RASA1: variants seen among roughly 807,000 people sequenced by gnomAD.
RASA1 encodes RAS p21 protein activator 1.
In RASA1, 25 loss-of-function variants were observed where a neutral mutation model predicts 132.2. The observed-to-expected ratio is 0.19, with a 90% CI of 0.14 to 0.26. RASA1 has a LOEUF of 0.26. Ranked by LOEUF, RASA1 falls within the 10% of genes least tolerant of loss-of-function variation. The pLI is 1.00. For missense variants in RASA1, 964 were observed against 1,299.2 expected (o/e 0.74, Z 3.97); for synonymous variants, 477 against 449.9 (o/e 1.06, Z -0.76).
chr5:87,380,433 A>T, intron 19 of RASA1, 76 bp from the exon 20 acceptor site: 1 of 1,323,032 alleles, frequency 7.6e-7, no homozygotes, highest in Non-Finnish European at 1.1e-6. Context: ...TATTTGGGTA[A>T]ATTAAGCTTT....
chr5:87,282,061 A>G (rs1754343687), intron 1 of RASA1, among the ~76,000 whole-genome samples: 1 of 151,974 alleles, frequency 6.6e-6, no homozygotes, highest in African/African-American at 2.4e-5. Context: ...ATTCCAGCTT[A>G]CTTGTTTTTT....
intron 6 of RASA1, 97 bp from the exon 7 acceptor site, chr5:87,346,575 C>A: frequency 1.5e-6 from 1 of 677,046 alleles, no homozygotes; most frequent in Non-Finnish European, 2.5e-6. Flanking sequence ...TATTTTATCA[C>A]TTTGAATTAA....
intron 1 of RASA1, among the ~76,000 whole-genome samples, chr5:87,328,097 A>T (rs1757363812): frequency 6.6e-6 from 1 of 152,210 alleles, no homozygotes; most frequent in Non-Finnish European, 1.5e-5. Context: ...TTGTTTTATG[A>T]GTCAACACTT....
chr5:87,275,802 C>G (rs919341944), intron 1 of RASA1, among the ~76,000 whole-genome samples: 55 of 152,262 alleles, frequency 3.6e-4, no homozygotes, highest in African/African-American at 1.3e-3. Context: ...AACTCCTGAC[C>G]TCGTGATCTG....
chr5:87,380,926 T>C (rs978509199), intron 20 of RASA1, among the ~76,000 whole-genome samples: 2 of 152,178 alleles, frequency 1.3e-5, no homozygotes, highest in Admixed American at 1.3e-4. Context: ...TGATTGGCAG[T>C]GAGAGAGAAG....
intron 9 of RASA1, among the ~76,000 whole-genome samples, chr5:87,354,578 T>C (rs1317684863): frequency 6.6e-6 from 1 of 152,134 alleles, no homozygotes; most frequent in African/African-American, 2.4e-5. Context: ...GCTTCCTATT[T>C]CTGCAGACAC....
chr5:87,316,244 A>T (rs1021533318), intron 1 of RASA1, among the ~76,000 whole-genome samples: 1 of 152,184 alleles, frequency 6.6e-6, no homozygotes, highest in African/African-American at 2.4e-5. Flanking sequence ...TGTTCTTGCT[A>T]TGGTACCTGG....
At chr5:87,296,962 CT>C (rs933044772) in intron 1 of RASA1, among the ~76,000 whole-genome samples, 10 of 151,724 alleles carry the variant, frequency 6.6e-5, no homozygotes, top group African/African-American at 2.4e-4. Flanking sequence ...TTTTTCCTCT[CT>C]TTTTTTTCTT....
chr5:87,360,494 TTTG>T (rs922388018), intron 9 of RASA1, among the ~76,000 whole-genome samples: 3 of 152,196 alleles, frequency 2.0e-5, no homozygotes, highest in Non-Finnish European at 4.4e-5. Flanking sequence ...GTAAAATATT[TTTG>T]TTTAGATTTT....
At chr5:87,272,420 A>G (rs1753886799) in intron 1 of RASA1, among the ~76,000 whole-genome samples, 1 of 152,136 alleles carries the variant, frequency 6.6e-6, no homozygotes, top group Non-Finnish European at 1.5e-5. Flanking sequence ...CAGATTCTGA[A>G]GTTAGACAAG....
chr5:87,268,910 G>A lies in RASA1; in HGVS notation c.459G>A (p.Val153=). ...CTTTGGGGGCGGGCCTCGGGACAGT[G>A]GACGAAGGTGACTCTCTGGATGGAC... is the stretch of plus-strand genomic sequence containing the variant. The part of the protein sequence containing the change: ...LPPLGAGLGT[V]DEGDSLDGPE... The change falls in exon 1 of 25, where the codon GTG becomes GTA. Residue 153 remains valine (V), a synonymous_variant. Coordinates refer to ENST00000274376, the MANE Select transcript of RASA1 (RefSeq NM_002890.3). 4 of 1,614,204 alleles carry A rather than the reference G, an allele frequency of 2.5e-6. No homozygotes were observed. The highest frequency in any genetic ancestry group is 3.4e-6 in the Non-Finnish European group (4 of 1,180,042).
chr5:87,376,032 T>A (rs1444224482), intron 15 of RASA1, among the ~76,000 whole-genome samples: 1 of 152,176 alleles, frequency 6.6e-6, no homozygotes, highest in Non-Finnish European at 1.5e-5. Flanking sequence ...AAAGTGGAGT[T>A]TTCACCTCCA....
At chr5:87,358,588 G>GC (rs1268917758) in intron 9 of RASA1, among the ~76,000 whole-genome samples, 17 of 152,294 alleles carry the variant, frequency 1.1e-4, no homozygotes, top group Admixed American at 3.3e-4. Flanking sequence ...TATGCTGCAT[G>GC]CTGCGCAGCA....
intron 1 of RASA1, among the ~76,000 whole-genome samples, chr5:87,279,491 A>G (rs970845226): frequency 9.9e-5 from 15 of 152,204 alleles, no homozygotes; most frequent in African/African-American, 3.1e-4. Context: ...TTGTGTGAAC[A>G]TAAGTTTTCA....
At chr5:87,331,083 G>A in intron 1 of RASA1, 1 of 973,138 alleles carries the variant, frequency 1.0e-6, no homozygotes. Context: ...AATCCTGGAA[G>A]TAGGGAGATG....
intron 1 of RASA1, among the ~76,000 whole-genome samples, chr5:87,306,126 CAAAGGAATATAAATCACTCTATTAT>C (rs555726484): frequency 8.0e-4 from 121 of 152,154 alleles, no homozygotes; most frequent in African/African-American, 2.7e-3. Context: ...GGTATATAAC[CAAAGGAATATAAATCACTCTATTAT>C]AAAGACACAT....
chr5:87,303,735 T>A (rs1399834567), intron 1 of RASA1, among the ~76,000 whole-genome samples: 1 of 151,332 alleles, frequency 6.6e-6, no homozygotes, highest in Non-Finnish European at 1.5e-5. Flanking sequence ...TATATATATA[T>A]AATTCATATA....
chr5:87,281,124 G>A (rs1028221837), intron 1 of RASA1, among the ~76,000 whole-genome samples: 10 of 151,906 alleles, frequency 6.6e-5, no homozygotes, highest in Non-Finnish European at 1.2e-4. Flanking sequence ...TGAATCATAT[G>A]GTAATTCTGT....
At chr5:87,352,926 G>T (rs930761664) in intron 8 of RASA1, among the ~76,000 whole-genome samples, 8 of 151,812 alleles carry the variant, frequency 5.3e-5, no homozygotes, top group Non-Finnish European at 1.0e-4. Context: ...GATGGGTATG[G>T]AAAATCAGAA....
Sources: gnomAD v4.1 joint callset for allele counts (sites outside exome capture counted in the v4.1 genomes callset) on GRCh38, gnomAD v4.1.1 for gene constraint, MANE v1.5 for transcripts, NCBI Gene and HGNC (gene_info 2026-07-23, HGNC 2026-07-21) for gene names.